The following GSTA4 variants were observed in gnomAD, a reference collection of about 807,000 sequenced individuals.
GSTA4 encodes the protein glutathione S-transferase alpha 4, also known as glutathione S-transferase A4.
GSTA4 carries 15 observed loss-of-function variants against 24.4 expected under a neutral mutation model. The observed-to-expected ratio is 0.61, with a 90% CI of 0.41 to 0.95. The LOEUF is 0.95. Ranked by LOEUF, GSTA4 falls within the 40% of genes least tolerant of loss-of-function variation. The probability of loss-of-function intolerance (pLI) is 0.00; values close to 1 mark genes in which losing one functional copy is unlikely to be tolerated. For synonymous variants in GSTA4, 92 were observed against 94.2 expected (o/e 0.98, Z 0.13); for missense variants, 244 against 262.1 (o/e 0.93, Z 0.48).
intron 6 of GSTA4, among the ~76,000 whole-genome samples, chr6:52,981,942 G>A (rs1763459330): frequency 6.6e-6 from 1 of 152,166 alleles, no homozygotes; most frequent in African/African-American, 2.4e-5. Flanking sequence ...GAGAATGGTA[G>A]GAATCCTTTG....
chr6:52,987,302 G>C, intron 3 of GSTA4, 55 bp downstream of exon 3: 1 of 1,088,848 alleles, frequency 9.2e-7, no homozygotes. Context: ...CACATAAACA[G>C]CAGCTCTTAA....
At chr6:52,986,160 A>C (rs1474770195) in intron 3 of GSTA4, among the ~76,000 whole-genome samples, 1 of 152,224 alleles carries the variant, frequency 6.6e-6, no homozygotes, top group East Asian at 1.9e-4. Context: ...TGTAGTGAAG[A>C]TATTTCTTCA....
At chr6:52,987,273 T>C (rs1380429535) in intron 3 of GSTA4, 84 bp downstream of exon 3, 2 of 826,562 alleles carry the variant, frequency 2.4e-6, no homozygotes, top group East Asian at 4.9e-5. Flanking sequence ...TTCAGTGTCA[T>C]TGAATACTTT....
chr6:52,980,574 G>C (rs1464653280), intron 6 of GSTA4, among the ~76,000 whole-genome samples: 7 of 152,134 alleles, frequency 4.6e-5, no homozygotes, highest in African/African-American at 1.7e-4. Context: ...AAAGTGCTGG[G>C]ATTACAGGTG....
rs758231676 is a variant in GSTA4 at position 52,982,728 on chromosome 6, A to G, written c.415-23T>C. The G allele has an allele frequency of 3.8e-6, 6 of 1,597,110 alleles. No individual in the cohort carries two copies. In the South Asian group the frequency reaches 6.6e-5, roughly 18 times the overall value. On this transcript the variant is annotated intron_variant, in intron 5 of 6. Coordinates refer to ENST00000370963, the MANE Select transcript of GSTA4 (RefSeq NM_001512.4). ...AATCTGTAGGGAAATGGTGTGCATC[A>G]GTTACAATATTCCACATGGAGAGAG...
chr6:52,987,369 T>C lies in GSTA4; in HGVS notation c.127A>G (p.Lys43Glu). The change falls in exon 3 of 7, where the codon AAG becomes GAG. Residue 43 changes from lysine (K) to glutamate (E), a missense_variant. Lys to Glu is a moderately conservative substitution (Grantham distance 56). Transcript: ENST00000370963. ...EFLETKEQLY[K>E]LQDGNHLLFQ... ...TTTTCATACTCACCATCCTGCAACT[T>C]GTACAACTGTTCTTTTGTTTCCAGA... 1 of 1,592,624 alleles carries C rather than the reference T, an allele frequency of 6.3e-7. No individual in the cohort carries two copies. Among genetic ancestry groups the C allele is most frequent in the South Asian group, 1.1e-5 (1 of 89,814 alleles).
chr6:52,986,931 G>A lies in GSTA4; in HGVS notation c.139+426C>T, dbSNP rs572126874. Among the ~76,000 whole-genome samples the A allele has an allele frequency of 2.0e-5, 3 of 152,280 alleles. No homozygotes were observed. The South Asian group carries it at 6.2e-4, about 32-fold the overall frequency. On this transcript the variant is annotated intron_variant, in intron 3 of 6. Coordinates refer to ENST00000370963, the MANE Select transcript of GSTA4 (RefSeq NM_001512.4). ...GGGGCAGTTCGTTGATTTCACTTCT[G>A]TGTAGTATTTACTTCAGAAAGTACC...
chr6:52,993,368 G>A (rs192910172), intron 2 of GSTA4, among the ~76,000 whole-genome samples: 1 of 152,150 alleles, frequency 6.6e-6, no homozygotes, highest in Non-Finnish European at 1.5e-5. Context: ...AATGTAATGC[G>A]TAGACCAATG....
chr6:52,983,085 G>C (rs778637811), intron 5 of GSTA4, among the ~76,000 whole-genome samples: 1 of 152,194 alleles, frequency 6.6e-6, no homozygotes, highest in Non-Finnish European at 1.5e-5. Flanking sequence ...ATGCATGCAG[G>C]AGGCTTGGGG....
intron 6 of GSTA4, among the ~76,000 whole-genome samples, chr6:52,980,178 A>T (rs1006174202): frequency 1.3e-5 from 2 of 152,190 alleles, no homozygotes; most frequent in African/African-American, 4.8e-5. Flanking sequence ...AAAAACCTTG[A>T]TCTCTATCAT....
chr6:52,994,159 C>T lies in GSTA4; in HGVS notation c.85G>A (p.Glu29Lys). 2 of 1,601,956 alleles carry T rather than the reference C, an allele frequency of 1.2e-6. No individual in the cohort carries two copies. The highest frequency in any genetic ancestry group is 1.1e-5 in the South Asian group (1 of 90,838). The change falls in exon 2 of 7, where the codon GAG becomes AAG. Residue 29 changes from glutamate to lysine, a missense_variant and splice_region_variant. Physicochemically the swap from Glu to Lys is moderately conservative, Grantham distance 56. Coordinates refer to ENST00000370963, the MANE Select transcript of GSTA4 (RefSeq NM_001512.4). The part of the protein sequence containing the change: ...VRWVLAAAGV[E>K]FDEEFLETKE... ...TGAAGAAACAGCATATAAGGTACCTCGACTCCGGCGGCAGCTAAAACCCAT... is the reference window on the plus strand; with the variant it reads ...TGAAGAAACAGCATATAAGGTACCTTGACTCCGGCGGCAGCTAAAACCCAT...
intron 6 of GSTA4, 120 bp downstream of exon 6, chr6:52,982,454 G>A: frequency 3.3e-6 from 2 of 611,164 alleles, no homozygotes; most frequent in Non-Finnish European, 5.4e-6. Context: ...TGCCAAACTA[G>A]AATCTTAAAA....
chr6:52,979,096 G>GA (rs1171255647), intron 6 of GSTA4, among the ~76,000 whole-genome samples: 2 of 151,704 alleles, frequency 1.3e-5, no homozygotes, highest in African/African-American at 2.4e-5. Context: ...CACTTAAGGT[G>GA]AAAAAAAAGG....
intron 6 of GSTA4, among the ~76,000 whole-genome samples, chr6:52,979,170 A>G (rs1377601096): frequency 6.6e-6 from 1 of 152,196 alleles, no homozygotes; most frequent in African/African-American, 2.4e-5. Context: ...AACAGTAGTC[A>G]ATTTGAAGCA....
chr6:52,987,392 A>G lies in GSTA4; in HGVS notation c.104T>C (p.Leu35Pro). ...AAGVEFDEEF[L>P]ETKEQLYKLQ... Reference sequence around the variant, plus strand: ...CTTGTACAACTGTTCTTTTGTTTCCAGAAATTCTTCATCAAACTAAATTTT... The same window carrying G: ...CTTGTACAACTGTTCTTTTGTTTCCGGAAATTCTTCATCAAACTAAATTTT... The change falls in exon 3 of 7, where the codon CTG (leucine) becomes CCG (proline). Residue 35 changes from leucine to proline, a missense_variant. Transcript: ENST00000370963. 6.3e-7 allele frequency: 1 copy of G among 1,582,296 alleles called. No individual in the cohort carries two copies. Among genetic ancestry groups the G allele is most frequent in the African/African-American group, 1.3e-5 (1 of 74,388 alleles).
chr6:52,982,630 T>C lies in GSTA4; in HGVS notation c.490A>G (p.Ile164Val). 6.2e-7 allele frequency: 1 copy of C among 1,609,000 alleles called. No individual in the cohort carries two copies. The highest frequency in any genetic ancestry group is 8.5e-7 in the Non-Finnish European group (1 of 1,175,428). Residue 164 changes from isoleucine to valine, a missense_variant, in exon 6 of 7, where the codon ATT becomes GTT. Ile to Val is a conservative substitution (Grantham distance 29, BLOSUM62 3). Coordinates refer to ENST00000370963, the MANE Select transcript of GSTA4 (RefSeq NM_001512.4). ...SLADVILLQT[I>V]LALEEKIPNI... ...GGAATTTTCTCTTCTAGAGCTAAAA[T>C]GGTTTGGAGTAAAATCACATCTGCA...
Position 52,985,570 on chromosome 6 carries a change from C to T in GSTA4, c.153G>A (p.Leu51=), listed in dbSNP as rs1294712936. The change falls in exon 4 of 7, where the codon CTG becomes CTA. Residue 51 remains leucine, a synonymous_variant. Coordinates refer to ENST00000370963, the MANE Select transcript of GSTA4 (RefSeq NM_001512.4). The part of the protein sequence containing the change: ...LYKLQDGNHL[L]FQQVPMVEID... ...TTTCAACCATGGGCACTTGTTGGAACAGCAGGTGGTTACCTGAGAATGGAA... is the reference window on the plus strand; with the variant it reads ...TTTCAACCATGGGCACTTGTTGGAATAGCAGGTGGTTACCTGAGAATGGAA... 4 of 1,614,112 alleles carry T rather than the reference C, an allele frequency of 2.5e-6. No individual in the cohort carries two copies. Among genetic ancestry groups the T allele is most frequent in the South Asian group, 1.1e-5 (1 of 91,086 alleles).
At chr6:52,988,483 G>C (rs898709852) in intron 2 of GSTA4, among the ~76,000 whole-genome samples, 1 of 152,152 alleles carries the variant, frequency 6.6e-6, no homozygotes, top group Admixed American at 6.5e-5. Flanking sequence ...TGTTAACAAA[G>C]TGAGAAGGGC....
intron 2 of GSTA4, among the ~76,000 whole-genome samples, chr6:52,991,206 A>C (rs538444964): frequency 6.6e-6 from 1 of 152,376 alleles, no homozygotes; most frequent in African/African-American, 2.4e-5. Flanking sequence ...TAAATAGTTA[A>C]TGAGTGACAA....
Sources: gnomAD v4.1 joint callset for allele counts (sites outside exome capture counted in the v4.1 genomes callset) on GRCh38, gnomAD v4.1.1 for gene constraint, MANE v1.5 for transcripts, NCBI Gene and HGNC (gene_info 2026-07-23, HGNC 2026-07-21) for gene names.